SNED1: variants seen among roughly 807,000 people sequenced by gnomAD.
The protein encoded by SNED1 is sushi, nidogen and EGF-like domain-containing protein 1.
In SNED1, 81 loss-of-function variants were observed where a neutral mutation model predicts 166.7. The observed-to-expected ratio is 0.49, with a 90% CI of 0.41 to 0.58. SNED1 has a LOEUF of 0.58. SNED1 is among the 20% of genes least tolerant of loss of function. The pLI is 0.00. For synonymous variants in SNED1, 762 were observed against 822.0 expected, an observed-to-expected ratio of 0.93 and a Z score of 1.25; for missense variants, 1,604 against 2,000.2, an observed-to-expected ratio of 0.80 and a Z score of 3.78.
At chr2:241,048,849 G>T in intron 10 of SNED1, 83 bp downstream of exon 10, 3 of 1,293,778 alleles carry the variant, frequency 2.3e-6, no homozygotes, top group South Asian at 1.3e-5. Context: ...GCCGGGGTCC[G>T]TAGGTCCAGA....
intron 16 of SNED1, among the ~76,000 whole-genome samples, chr2:241,061,113 A>C (rs2125165816): frequency 6.6e-6 from 1 of 152,328 alleles, no homozygotes; most frequent in African/African-American, 2.4e-5. Context: ...GTGAAATCTA[A>C]ACTACAAACT....
intron 16 of SNED1, 33 bp from the exon 17 acceptor site, chr2:241,062,758 A>T: frequency 1.4e-6 from 2 of 1,470,540 alleles, no homozygotes; most frequent in Non-Finnish European, 1.9e-6. Context: ...AATCGTGGCC[A>T]CATTGCTTTA....
intron 4 of SNED1, among the ~76,000 whole-genome samples, chr2:241,036,009 A>AGGGGGTGGAGGTGCGTCACGGGGTGG (rs2061348298): frequency 9.1e-5 from 1 of 11,002 alleles, no homozygotes; most frequent in Non-Finnish European, 1.4e-4. Flanking sequence ...CGGGGAGGGG[A>AGGGGGTGGAGGTGCGTCACGGGGTGG]GTGGGGGGTG....
In SNED1 at chr2:241,068,036, C is replaced by T. The variant is rs1178860882; in HGVS notation, c.3194+89C>T. 17 of 1,214,062 alleles carry T rather than the reference C, an allele frequency of 1.4e-5. No homozygotes were observed. In the East Asian group the frequency reaches 2.5e-4, roughly 18 times the overall value. The allele number at this position is 1,214,062 out of a possible 1,614,324, so 75.2% of individuals were successfully genotyped here. On this transcript the variant is annotated intron_variant, in intron 22 of 31. Coordinates refer to ENST00000310397, the MANE Select transcript of SNED1 (RefSeq NM_001080437.3). This position sits in a 1 kb window ranked among gnomAD's most constrained non-coding sequence, Gnocchi z 5.3. ...GGGCCCAGGTCTCGGGCACATTCTC[C>T]GTGTGTGGACTGTACCACCTGCCGC...
chr2:241,082,106 C>T lies in SNED1; in HGVS notation c.4034-171C>T, dbSNP rs562716105. 1.1e-4 allele frequency among the ~76,000 whole-genome samples: 17 copies of T among 152,300 alleles called. No individual in the cohort carries two copies. The East Asian group carries it at 3.3e-3, about 29-fold the overall frequency. On this transcript the variant is annotated intron_variant, in intron 28 of 31. Transcript: ENST00000310397. Reference sequence around the variant, plus strand: ...CTCCACCCCCACAATACCAACCCACCCCGGCCTTAGAGGAAGCCAGCTGCA... The same window carrying T: ...CTCCACCCCCACAATACCAACCCACTCCGGCCTTAGAGGAAGCCAGCTGCA...
rs201620641 is a variant in SNED1, at chr2:241,052,479, CA to C, written c.2083+12del. On this transcript the variant is annotated intron_variant, in intron 15 of 31. Transcript: ENST00000310397. Reference sequence around the variant, plus strand: ...GCCGGTGCCAGGCAGGTGAGAGGGTCAGGGGGATCAAGCAGGGTACATGGGA... The same window carrying C: ...GCCGGTGCCAGGCAGGTGAGAGGGTCGGGGGATCAAGCAGGGTACATGGGA... 8,284 of 1,585,672 alleles carry C rather than the reference CA, an allele frequency of 5.2e-3. 355 individuals carry two copies. The South Asian group carries it at 0.056, about 11-fold the overall frequency.
rs967159251 is a variant in SNED1, at chr2:241,095,422, A to G, written c.*3786A>G. On this transcript the variant is annotated 3_prime_UTR_variant, in exon 32 of 32. Transcript: ENST00000310397. ...CTTAAGAAGCCATGCAAAATTAACC[A>G]GTACATCATGAATTAACTTCTTTTA... The G allele has an allele frequency of 2.6e-5, 4 of 152,932 alleles. No homozygotes were observed. The highest frequency in any genetic ancestry group is 5.9e-5 in the Non-Finnish European group (4 of 68,230). 9.5% of individuals were successfully genotyped at this position (152,932 alleles called of 1,614,324 possible).
At chr2:241,053,470 T>A in intron 16 of SNED1, 144 bp downstream of exon 16, 1 of 821,862 alleles carries the variant, frequency 1.2e-6, no homozygotes, top group Non-Finnish European at 1.9e-6. Context: ...CAGTCTCCTG[T>A]CTGTGAATGT....
At chr2:241,027,265 GAA>G (rs2060999679) in intron 1 of SNED1, among the ~76,000 whole-genome samples, 1 of 152,124 alleles carries the variant, frequency 6.6e-6, no homozygotes, top group Admixed American at 6.6e-5. Context: ...ATTTTTAGTA[GAA>G]ATAGAGTTTT....
intron 27 of SNED1, among the ~76,000 whole-genome samples, chr2:241,081,178 C>T (rs2063309442): frequency 6.6e-6 from 1 of 152,224 alleles, no homozygotes; most frequent in Non-Finnish European, 1.5e-5. Context: ...GAACCTAAAT[C>T]CTATCAAGCA....
rs201404772 is a variant in SNED1, at chr2:241,064,054, G to A, written c.2528G>A (p.Arg843Gln). 90 of 1,566,334 alleles carry A rather than the reference G, an allele frequency of 5.7e-5. No homozygotes were observed. In the African/African-American group the frequency reaches 9.1e-4, roughly 16 times the overall value. ...CDSSPCQHGG[R>Q]CESGGGAYLC... ...TCCAGCCCCTGCCAGCATGGAGGCCGGTGTGAGAGCGGCGGCGGGGCCTAC... is the reference window on the plus strand; with the variant it reads ...TCCAGCCCCTGCCAGCATGGAGGCCAGTGTGAGAGCGGCGGCGGGGCCTAC... Residue 843 changes from arginine (R) to glutamine (Q), a missense_variant, in exon 19 of 32, where the codon CGG (arginine) becomes CAG (glutamine). Physicochemically the swap from Arg to Gln is conservative, Grantham distance 43. This residue lies in a region of SNED1 where 1,237 missense variants were observed against 1,620.8 expected (regional missense o/e 0.76). Coordinates refer to ENST00000310397, the MANE Select transcript of SNED1 (RefSeq NM_001080437.3). This position sits in a 1 kb window ranked among gnomAD's most constrained non-coding sequence, Gnocchi z 7.0.
At chr2:241,071,553 C>T (rs1216591923) in intron 24 of SNED1, 23 bp from the exon 25 acceptor site, 1 of 1,570,992 alleles carries the variant, frequency 6.4e-7, no homozygotes, top group Non-Finnish European at 8.6e-7. Flanking sequence ...CAGACCAGCC[C>T]CTTCCTCCTG....
rs763128196 is a variant in SNED1, at chr2:241,069,023, C to T, written c.3307C>T (p.Arg1103Trp). ...CACCGCGCCGACGCACGTGTGGACC[C>T]GTGAGTAGAGCAGCGCGGCCCCCGG... ...LATAPTHVWT[R>W]PLPPANLTAA... The change falls in exon 23 of 32, where the codon CGG becomes TGG. Residue 1103 changes from arginine to tryptophan, a missense_variant and splice_region_variant. Arg to Trp is a moderately radical substitution (Grantham distance 101). Transcript: ENST00000310397. The surrounding 1 kb of genome is among the most constrained non-coding windows in gnomAD (Gnocchi z 4.9). The T allele has an allele frequency of 3.9e-6, 6 of 1,547,708 alleles. No individual in the cohort carries two copies. Among genetic ancestry groups the T allele is most frequent in the Admixed American group, 3.9e-5 (2 of 50,814 alleles).
At chr2:241,090,219 T>C (rs1279866159) in intron 31 of SNED1, 8 of 1,483,704 alleles carry the variant, frequency 5.4e-6, no homozygotes, top group Non-Finnish European at 7.2e-6. Flanking sequence ...TAATTGTTTT[T>C]TACTATTTAA....
intron 31 of SNED1, 81 bp downstream of exon 31, chr2:241,088,483 G>T (rs554745275): frequency 2.6e-6 from 3 of 1,150,214 alleles, no homozygotes; most frequent in South Asian, 2.5e-5. Flanking sequence ...GGATCTCAGA[G>T]TGCCGCTGCC....
chr2:241,073,752 A>C lies in SNED1; in HGVS notation c.3916+388A>C. ...GGAGCAGGCGGAGTCAGGATGGGAG[A>C]AGCAGAGGGAGCAGCCACTGGGCGA... On this transcript the variant is annotated intron_variant, in intron 27 of 31. Coordinates refer to ENST00000310397, the MANE Select transcript of SNED1 (RefSeq NM_001080437.3). This position sits in a 1 kb window ranked among gnomAD's most constrained non-coding sequence, Gnocchi z 6.6. 1 of 379,436 alleles carries C rather than the reference A, an allele frequency of 2.6e-6. No homozygotes were observed. The highest frequency in any genetic ancestry group is 4.7e-6 in the Non-Finnish European group (1 of 210,636). The allele number at this position is 379,436 out of a possible 1,614,324, so 23.5% of individuals were successfully genotyped here. A position where few individuals can be genotyped will look rare whatever the true frequency, so the allele number is the denominator to read the frequency against.
intron 8 of SNED1, among the ~76,000 whole-genome samples, chr2:241,043,942 TG>T (rs2061579042): frequency 6.6e-6 from 1 of 152,172 alleles, no homozygotes; most frequent in Non-Finnish European, 1.5e-5. Context: ...TAAGAAGAAA[TG>T]GAAGTATAAT....
At chr2:241,058,520 C>T (rs1364440934) in intron 16 of SNED1, among the ~76,000 whole-genome samples, 1 of 152,096 alleles carries the variant, frequency 6.6e-6, no homozygotes, top group Non-Finnish European at 1.5e-5. Context: ...CCTAATGTAA[C>T]ATGTTTAGTG....
chr2:241,004,243 G>A (rs537909382), intron 1 of SNED1, among the ~76,000 whole-genome samples: 21 of 152,318 alleles, frequency 1.4e-4, no homozygotes, highest in African/African-American at 5.1e-4. Context: ...GAAATCTTCA[G>A]CAAAACCCTT....
Sources: gnomAD v4.1 joint callset for allele counts (sites outside exome capture counted in the v4.1 genomes callset) on GRCh38, gnomAD v4.1.1 for gene constraint, gnomAD v4.1.1 regional missense constraint, Gnocchi (gnomAD v3.1) non-coding constraint, MANE v1.5 for transcripts, NCBI Gene and HGNC (gene_info 2026-07-23, HGNC 2026-07-21) for gene names.